MTUS2: variants seen among roughly 807,000 people sequenced by gnomAD.
MTUS2 encodes microtubule associated scaffold protein 2, also known as microtubule-associated tumor suppressor candidate 2.
Under a neutral mutation model 114.1 loss-of-function variants are expected in MTUS2, and 40 were observed. The observed-to-expected ratio is 0.35, with a 90% CI of 0.27 to 0.46. The LOEUF (loss-of-function observed/expected upper bound fraction) is 0.46, where lower values mean the gene tolerates loss of function less well. MTUS2 is among the 20% of genes least tolerant of loss of function. The pLI is 1.00. For missense variants in MTUS2, 1,679 were observed against 1,705.4 expected, an observed-to-expected ratio of 0.98 and a Z score of 0.27; for synonymous variants, 688 against 672.0, an observed-to-expected ratio of 1.02 and a Z score of -0.37.
chr13:29,140,394 A>G (rs1640661079), intron 5 of MTUS2, among the ~76,000 whole-genome samples: 1 of 152,226 alleles, frequency 6.6e-6, no homozygotes, highest in Non-Finnish European at 1.5e-5. Flanking sequence ...GTTGTGGCCA[A>G]TGCAAGCATG....
At chr13:29,269,009 T>C (rs1354860445) in intron 5 of MTUS2, among the ~76,000 whole-genome samples, 8 of 152,182 alleles carry the variant, frequency 5.3e-5, no homozygotes, top group African/African-American at 1.9e-4. Context: ...TATTTTATAT[T>C]TATTGTCTAT....
At position 29,229,416 on chromosome 13, in the gene MTUS2, G is replaced by C. The variant is rs1025045346; in HGVS notation, c.2645-52288G>C. Among the ~76,000 whole-genome samples the C allele has an allele frequency of 3.3e-5, 5 of 152,078 alleles. No homozygotes were observed. The East Asian group carries it at 9.6e-4, about 29-fold the overall frequency. On this transcript the variant is annotated intron_variant, in intron 5 of 15. Coordinates refer to ENST00000612955, the MANE Select transcript of MTUS2 (RefSeq NM_001033602.4). Reference sequence around the variant, plus strand: ...GGTCAAGGACACTTTTAATATGTACGATACTAAATGCAGATTCCTTTCCCA... The same window carrying C: ...GGTCAAGGACACTTTTAATATGTACCATACTAAATGCAGATTCCTTTCCCA...
chr13:29,297,265 G>T (rs1387644670), intron 6 of MTUS2, among the ~76,000 whole-genome samples: 5 of 152,026 alleles, frequency 3.3e-5, no homozygotes, highest in East Asian at 1.9e-4. Flanking sequence ...ACAATTGAAA[G>T]GATGCATAAG....
At position 29,350,960 on chromosome 13, in the gene MTUS2, C is replaced by CATATATATATATATATATATATATATAT. The variant is rs56192034; in HGVS notation, c.2906-8278_2906-8277insATATATATATATATATATATATATATAT. Among the ~76,000 whole-genome samples, 608 of 128,380 alleles carry CATATATATATATATATATATATATATAT rather than the reference C, an allele frequency of 4.7e-3. 13 individuals are homozygous for CATATATATATATATATATATATATATAT. Among genetic ancestry groups the CATATATATATATATATATATATATATAT allele is most frequent in the Non-Finnish European group, 7.2e-3 (420 of 58,484 alleles). The allele number at this position is 128,380 out of a possible 152,430, so 84.2% of individuals were successfully genotyped here. A position where few individuals can be genotyped will look rare whatever the true frequency, so the allele number is the denominator to read the frequency against. ...TAGGAATTAGGGCATATATATATTT[C>CATATATATATATATATATATATATATAT]ATATATATATATATATATATATATC... is the stretch of plus-strand genomic sequence containing the variant. On this transcript the variant is annotated intron_variant, in intron 7 of 15. Transcript: ENST00000612955.
intron 9 of MTUS2, among the ~76,000 whole-genome samples, chr13:29,476,274 G>A (rs909279722): frequency 3.3e-5 from 5 of 152,102 alleles, no homozygotes; most frequent in South Asian, 4.1e-4. Flanking sequence ...TTGTCAGAAC[G>A]TATCCCCATC....
intron 5 of MTUS2, among the ~76,000 whole-genome samples, chr13:29,204,455 G>T (rs1242116751): frequency 1.3e-5 from 2 of 152,218 alleles, no homozygotes; most frequent in African/African-American, 4.8e-5. Flanking sequence ...AGGAGCGGTG[G>T]CCTGTTTGGA....
At chr13:28,921,670 G>T (rs1044614000) in intron 2 of MTUS2, among the ~76,000 whole-genome samples, 3 of 152,194 alleles carry the variant, frequency 2.0e-5, no homozygotes, top group Non-Finnish European at 4.4e-5. Context: ...ATTTTGGCCT[G>T]TGCTAGTGAG....
chr13:29,102,277 G>A (rs546809006), intron 5 of MTUS2, among the ~76,000 whole-genome samples: 105 of 152,198 alleles, frequency 6.9e-4, no homozygotes, highest in Non-Finnish European at 1.1e-3. Flanking sequence ...TCCTGATGAC[G>A]TGTTTCTTTT....
At chr13:29,034,503 G>C (rs60156590) in intron 4 of MTUS2, among the ~76,000 whole-genome samples, 5,700 of 152,260 alleles carry the variant, frequency 0.037, 342 homozygotes, top group African/African-American at 0.13. Flanking sequence ...TTGGTGTCGA[G>C]ACAGAGAGAA....
intron 2 of MTUS2, among the ~76,000 whole-genome samples, chr13:28,989,297 C>T (rs1324699001): frequency 6.6e-6 from 1 of 152,086 alleles, no homozygotes; most frequent in African/African-American, 2.4e-5. Context: ...TACCCAAGAC[C>T]CAACCAGTGA....
intron 5 of MTUS2, among the ~76,000 whole-genome samples, chr13:29,269,302 CT>C (rs1897787710): frequency 6.6e-6 from 1 of 152,134 alleles, no homozygotes; most frequent in South Asian, 2.1e-4. Flanking sequence ...CATCATTGCT[CT>C]TTCCTAAAAG....
intron 11 of MTUS2, among the ~76,000 whole-genome samples, chr13:29,491,642 ATG>A (rs966887730): frequency 2.3e-5 from 3 of 130,246 alleles, no homozygotes; most frequent in South Asian, 2.6e-4. Flanking sequence ...GTAGGTGTGT[ATG>A]TGTGTGTGGC....
At position 29,216,804 on chromosome 13, in the gene MTUS2, C is replaced by T. The variant is rs551166911; in HGVS notation, c.2645-64900C>T. Among the ~76,000 whole-genome samples, 15 of 152,312 alleles carry T rather than the reference C, an allele frequency of 9.8e-5. No individual in the cohort carries two copies. In the South Asian group the frequency reaches 1.0e-3, roughly 11 times the overall value. On this transcript the variant is annotated intron_variant, in intron 5 of 15. Coordinates refer to ENST00000612955, the MANE Select transcript of MTUS2 (RefSeq NM_001033602.4). The stretch of plus-strand genomic sequence containing the variant: ...GCTGCAGACTGGAGCGTTTTCTATT[C>T]GGCCATCTTGGAAAAACCTCATGGC...
At chr13:29,109,218 A>T (rs1890787482) in intron 5 of MTUS2, among the ~76,000 whole-genome samples, 1 of 152,220 alleles carries the variant, frequency 6.6e-6, no homozygotes, top group African/African-American at 2.4e-5. Flanking sequence ...TGATGTTTTG[A>T]TATACATATG....
intron 8 of MTUS2, among the ~76,000 whole-genome samples, chr13:29,371,694 C>G (rs1237596167): frequency 6.6e-6 from 1 of 152,052 alleles, no homozygotes; most frequent in East Asian, 1.9e-4. Flanking sequence ...AAATTCCAAT[C>G]AAATATCCCA....
chr13:29,317,866 A>G (rs1280711717), intron 6 of MTUS2, among the ~76,000 whole-genome samples: 4 of 152,204 alleles, frequency 2.6e-5, no homozygotes, highest in Non-Finnish European at 5.9e-5. Context: ...CATTCAATTC[A>G]TCTTACAAAT....
upstream of MTUS2, among the ~76,000 whole-genome samples, chr13:28,820,044 G>A (rs896296850): frequency 7.5e-5 from 11 of 147,048 alleles, no homozygotes; most frequent in African/African-American, 2.7e-4. Context: ...CTCGCCGCCC[G>A]GCCACTGTCA....
intron 5 of MTUS2, among the ~76,000 whole-genome samples, chr13:29,108,241 G>C (rs144514483): frequency 3.9e-4 from 60 of 152,312 alleles, no homozygotes; most frequent in African/African-American, 1.2e-3. Flanking sequence ...GGCTTGTGAG[G>C]TCAGACTTCA....
chr13:28,953,577 TG>T (rs1366034302), intron 2 of MTUS2, among the ~76,000 whole-genome samples: 1 of 152,268 alleles, frequency 6.6e-6, no homozygotes, highest in East Asian at 1.9e-4. Flanking sequence ...GCCTTTTATT[TG>T]TCTTTCAACT....
Sources: gnomAD v4.1 joint callset for allele counts (sites outside exome capture counted in the v4.1 genomes callset) on GRCh38, gnomAD v4.1.1 for gene constraint, MANE v1.5 for transcripts, NCBI Gene and HGNC (gene_info 2026-07-23, HGNC 2026-07-21) for gene names.